The following ADAR variants were observed in gnomAD, a reference collection of about 807,000 sequenced individuals.
ADAR encodes adenosine deaminase RNA specific, also known as double-stranded RNA-specific adenosine deaminase.
A neutral mutation model predicts 113.2 loss-of-function variants in ADAR; 41 were observed. That is an observed-to-expected ratio of 0.36 (90% CI 0.28 to 0.47). The LOEUF is 0.47. Among genes scored for constraint, ADAR ranks in the 20% least tolerant of loss-of-function variants. The probability of loss-of-function intolerance (pLI) is 1.00; values close to 1 mark genes in which losing one functional copy is unlikely to be tolerated. For missense variants in ADAR, 1,242 were observed against 1,540.9 expected (o/e 0.81, Z 3.25); for synonymous variants, 605 against 572.6 (o/e 1.06, Z -0.81).
chr1:154,627,914 A>ACCCCCCCCCCCCCCCCCCCCCCCCCCCCC, exon 1 of ADAR: 1 of 463,324 alleles, frequency 2.2e-6, no homozygotes, highest in Non-Finnish European at 4.2e-6. Context: ...TGCGGCCGCG[A>ACCCCCCCCCCCCCCCCCCCCCCCCCCCCC]CCCTCCCCCC....
upstream of ADAR, among the ~76,000 whole-genome samples, chr1:154,612,220 A>G (rs1698504554): frequency 6.7e-6 from 1 of 149,190 alleles, no homozygotes; most frequent in African/African-American, 2.5e-5. Flanking sequence ...CTCCTTCAGT[A>G]TTTGCTCATA....
intron 6 of ADAR, among the ~76,000 whole-genome samples, chr1:154,591,853 C>T (rs992032060): frequency 4.6e-5 from 7 of 152,254 alleles, no homozygotes; most frequent in Non-Finnish European, 8.8e-5. Flanking sequence ...CTGGCAGGCC[C>T]GTGCAGGCCA....
intron 6 of ADAR, among the ~76,000 whole-genome samples, chr1:154,593,807 C>G (rs983972988): frequency 1.3e-5 from 2 of 151,864 alleles, no homozygotes; most frequent in African/African-American, 4.8e-5. Flanking sequence ...TGGAAAAGGA[C>G]AAGAACAGGT....
At chr1:154,616,242 CATT>C (rs2101690378) in intron 1 of ADAR, among the ~76,000 whole-genome samples, 1 of 152,314 alleles carries the variant, frequency 6.6e-6, no homozygotes, top group South Asian at 2.1e-4. Flanking sequence ...CAAATATTTA[CATT>C]ATTAACAAAA....
intron 11 of ADAR, 88 bp downstream of exon 11, chr1:154,588,037 T>TA: frequency 4.4e-6 from 7 of 1,591,216 alleles, no homozygotes; most frequent in Non-Finnish European, 6.0e-6. Context: ...TGACTAATGG[T>TA]AAAATCCTAG....
intron 1 of ADAR, among the ~76,000 whole-genome samples, chr1:154,625,525 A>C (rs949885686): frequency 3.9e-5 from 6 of 152,226 alleles, no homozygotes; most frequent in Non-Finnish European, 7.3e-5. Flanking sequence ...TAGTATATGT[A>C]AAGTGCTCAA....
At chr1:154,626,920 AAAG>A in intron 1 of ADAR, among the ~76,000 whole-genome samples, 1 of 152,296 alleles carries the variant, frequency 6.6e-6, no homozygotes, top group Non-Finnish European at 1.5e-5. Flanking sequence ...TCTGGTGGAG[AAAG>A]AAGTTGGCAT....
At chr1:154,585,380 A>ACCTT (rs1303768939) in intron 13 of ADAR, 36 bp from the exon 14 acceptor site, 1 of 1,613,798 alleles carries the variant, frequency 6.2e-7, no homozygotes, top group East Asian at 2.2e-5. Context: ...AAAGATGGAA[A>ACCTT]CCTTTCAGGA....
At position 154,615,414 on chromosome 1, in the gene ADAR, CCTTTA is replaced by C. The variant is rs200056391; in HGVS notation, c.-871+12436_-871+12440del. ...ATGTACTTATGCACAGCCATGATGT[CCTTTA>C]TTTATTTTTTAAAAGACAAGGTCTC... On this transcript the variant is annotated intron_variant, in intron 1 of 14. Transcript: ENST00000368471. Among the ~76,000 whole-genome samples the C allele has an allele frequency of 5.4e-3, 825 of 152,128 alleles. 5 individuals are homozygous for C. The highest frequency in any genetic ancestry group is 0.019 in the African/African-American group (788 of 41,498).
intron 11 of ADAR, among the ~76,000 whole-genome samples, chr1:154,587,426 T>C (rs1696835578): frequency 6.6e-6 from 1 of 152,240 alleles, no homozygotes. Context: ...TTCCACTTTT[T>C]TGGCTCTTGT....
chr1:154,608,827 G>C (rs1557898115), upstream of ADAR: 1 of 130,550 alleles, frequency 7.7e-6, no homozygotes, highest in Non-Finnish European at 1.6e-5. Flanking sequence ...CTCCAATGTG[G>C]AGGGGGGGGG....
Position 154,602,307 on chromosome 1 carries a change from G to A in ADAR, c.335C>T (p.Ser112Leu), listed in dbSNP as rs1571111897. Residue 112 changes from serine to leucine, a missense_variant, in exon 2 of 15, where the codon TCA (serine) becomes TTA (leucine). Ser to Leu is a moderately radical substitution (Grantham distance 145). Transcript: ENST00000368474. ...CTGTGGCAGACTCCTGCCACGTGGT[G>A]AAGGATGCTGGAACCCTCTCTGGAG... ...QGLQRGFQHP[S>L]PRGRSLPQRG... 5.6e-6 allele frequency: 9 copies of A among 1,613,746 alleles called. No homozygotes were observed. Among genetic ancestry groups the A allele is most frequent in the East Asian group, 4.5e-5 (2 of 44,880 alleles).
chr1:154,627,914 A>AGCCCCCCCCCCCCCCCC, exon 1 of ADAR: 2 of 463,298 alleles, frequency 4.3e-6, no homozygotes, highest in Admixed American at 2.1e-5. Flanking sequence ...TGCGGCCGCG[A>AGCCCCCCCCCCCCCCCC]CCCTCCCCCC....
In ADAR at chr1:154,584,536, T is replaced by C. The variant is rs552421003; in HGVS notation, c.*270A>G. ...ATGGACCGCAGGTGCTCAGTGACTA[T>C]GTATGCTTTGGGTAGAAAGAAAAGA... On this transcript the variant is annotated 3_prime_UTR_variant, in exon 15 of 15. Coordinates refer to ENST00000368474, the MANE Select transcript of ADAR (RefSeq NM_001111.5). 36 of 462,398 alleles carry C rather than the reference T, an allele frequency of 7.8e-5. No individual in the cohort carries two copies. Among genetic ancestry groups the C allele is most frequent in the African/African-American group, 6.2e-4 (32 of 51,472 alleles). The allele number at this position is 462,398 out of a possible 1,614,324, so 28.6% of individuals were successfully genotyped here. A position where few individuals can be genotyped will look rare whatever the true frequency, so the allele number is the denominator to read the frequency against.
At chr1:154,627,927 C>T (rs1557909853) in exon 1 of ADAR, 1 of 509,288 alleles carries the variant, frequency 2.0e-6, no homozygotes, top group African/African-American at 2.0e-5. Flanking sequence ...CTCCCCCCAC[C>T]CTCCCCCACC....
At position 154,602,949 on chromosome 1, in the gene ADAR, T is replaced by C. The variant is rs12094866; in HGVS notation, c.16-323A>G. ...GAATTTAAGGGAGTTGAGAAGGTAA[T>C]TTTCTAGTTACCAAAACAATTACCC... On this transcript the variant is annotated intron_variant, in intron 1 of 14. Transcript: ENST00000368474. Among the ~76,000 whole-genome samples the C allele has an allele frequency of 0.069, 10,537 of 152,270 alleles. 1,227 individuals are homozygous for C. Among genetic ancestry groups the C allele is most frequent in the African/African-American group, 0.24 (9,996 of 41,516 alleles).
At chr1:154,625,571 G>A (rs1698908246) in intron 1 of ADAR, among the ~76,000 whole-genome samples, 1 of 152,226 alleles carries the variant, frequency 6.6e-6, no homozygotes, top group Non-Finnish European at 1.5e-5. Flanking sequence ...CTAAAGAGAA[G>A]CGAAAGGCCT....
At chr1:154,600,929 G>T in intron 2 of ADAR, 112 bp downstream of exon 2, 2 of 1,428,594 alleles carry the variant, frequency 1.4e-6, no homozygotes, top group Non-Finnish European at 2.0e-6. Context: ...AGAAGGGAAG[G>T]AGGAAAAGAT....
intron 6 of ADAR, among the ~76,000 whole-genome samples, chr1:154,594,174 G>A (rs781009465): frequency 1.3e-5 from 2 of 152,178 alleles, no homozygotes; most frequent in African/African-American, 2.4e-5. Flanking sequence ...AAGCCACTGC[G>A]CCCGGCTGAC....
Sources: gnomAD v4.1 joint callset for allele counts (sites outside exome capture counted in the v4.1 genomes callset) on GRCh38, gnomAD v4.1.1 for gene constraint, MANE v1.5 for transcripts, NCBI Gene and HGNC (gene_info 2026-07-23, HGNC 2026-07-21) for gene names.